Variants in CD247 observed in about 807,000 individuals in gnomAD.
CD247 encodes CD247 molecule, also known as T-cell surface glycoprotein CD3 zeta chain.
Under a neutral mutation model 30.0 loss-of-function variants are expected in CD247, and 13 were observed. That is an observed-to-expected ratio of 0.43 (90% confidence interval 0.28 to 0.69). The LOEUF is 0.69. Ranked by LOEUF, CD247 falls within the 30% of genes least tolerant of loss-of-function variation. The pLI, the probability that CD247 is intolerant of heterozygous loss-of-function variation, is 0.16. For synonymous variants in CD247, 72 were observed against 80.0 expected, an observed-to-expected ratio of 0.90 and a Z score of 0.53; for missense variants, 193 against 212.6, an observed-to-expected ratio of 0.91 and a Z score of 0.57.
intron 1 of CD247, among the ~76,000 whole-genome samples, chr1:167,486,502 C>T (rs969959737): frequency 8.5e-5 from 13 of 152,336 alleles, no homozygotes; most frequent in Admixed American, 4.6e-4. Context: ...GCAGAACTAG[C>T]ACTAAAGCCC....
intron 1 of CD247, among the ~76,000 whole-genome samples, chr1:167,465,568 T>C (rs1653210168): frequency 6.6e-6 from 1 of 152,112 alleles, no homozygotes; most frequent in Non-Finnish European, 1.5e-5. Context: ...TGACCTCAGG[T>C]GATCCATCTG....
intron 1 of CD247, among the ~76,000 whole-genome samples, chr1:167,454,724 A>G (rs1005476221): frequency 9.2e-5 from 14 of 152,244 alleles, no homozygotes; most frequent in African/African-American, 3.4e-4. Context: ...GAGTGAGATG[A>G]AAGCGCTTTT....
intron 1 of CD247, among the ~76,000 whole-genome samples, chr1:167,443,474 T>G (rs1651933773): frequency 6.6e-6 from 1 of 152,172 alleles, no homozygotes; most frequent in Non-Finnish European, 1.5e-5. Flanking sequence ...CTGGGGTGAC[T>G]TTTTGCTGTG....
chr1:167,481,774 G>A (rs931353723), intron 1 of CD247, among the ~76,000 whole-genome samples: 2 of 152,134 alleles, frequency 1.3e-5, no homozygotes, highest in Non-Finnish European at 2.9e-5. Flanking sequence ...GGGGTGGGGC[G>A]GTCACAGGAC....
chr1:167,512,000 A>C lies in CD247; in HGVS notation c.58+6408T>G, dbSNP rs116155622. ...TCAGAGAACGGCGGTCTGGACTGGC[A>C]AGGGTCCTGCTTGTCTTTGTTCTAA... is the stretch of plus-strand genomic sequence containing the variant. On this transcript the variant is annotated intron_variant, in intron 1 of 7. Transcript: ENST00000362089. 1.9e-3 allele frequency among the ~76,000 whole-genome samples: 288 copies of C among 152,278 alleles called. 3 individuals are homozygous for C. Among genetic ancestry groups the C allele is most frequent in the African/African-American group, 6.4e-3 (267 of 41,562 alleles).
intron 1 of CD247, among the ~76,000 whole-genome samples, chr1:167,445,269 C>A (rs1416484621): frequency 1.3e-5 from 2 of 151,990 alleles, no homozygotes; most frequent in African/African-American, 2.4e-5. Flanking sequence ...TAAAATAATT[C>A]TTATGGGGTG....
chr1:167,515,732 A>G (rs1196183391), intron 1 of CD247, among the ~76,000 whole-genome samples: 2 of 152,244 alleles, frequency 1.3e-5, no homozygotes, highest in African/African-American at 2.4e-5. Flanking sequence ...AAGAGGGATG[A>G]GTTGGATTGC....
At chr1:167,449,149 C>CTTTTTTTTTTTTTTTTTTTT (rs71097676) in intron 1 of CD247, among the ~76,000 whole-genome samples, 6 of 66,418 alleles carry the variant, frequency 9.0e-5, no homozygotes, top group Admixed American at 2.0e-4. Context: ...TTTTTCTTTT[C>CTTTTTTTTTTTTTTTTTTTT]TTTTTTTTTT....
At chr1:167,443,479 G>A (rs1366033990) in intron 1 of CD247, among the ~76,000 whole-genome samples, 1 of 152,220 alleles carries the variant, frequency 6.6e-6, no homozygotes, top group Non-Finnish European at 1.5e-5. Flanking sequence ...GTGACTTTTT[G>A]CTGTGAGGAC....
intron 1 of CD247, among the ~76,000 whole-genome samples, chr1:167,489,191 A>G (rs944562143): frequency 1.3e-5 from 2 of 151,922 alleles, no homozygotes; most frequent in African/African-American, 2.4e-5. Context: ...GAAGGATCCA[A>G]CCCCCCTTCC....
At chr1:167,474,170 C>T (rs1012811069) in intron 1 of CD247, among the ~76,000 whole-genome samples, 3 of 152,244 alleles carry the variant, frequency 2.0e-5, no homozygotes, top group East Asian at 3.9e-4. Flanking sequence ...ACTGAATAGT[C>T]TCACTGCCCT....
chr1:167,513,876 C>A (rs1359522808), intron 1 of CD247, among the ~76,000 whole-genome samples: 1 of 152,176 alleles, frequency 6.6e-6, no homozygotes, highest in Non-Finnish European at 1.5e-5. Flanking sequence ...AGGGTTTTAT[C>A]TTAAACCATC....
intron 4 of CD247, among the ~76,000 whole-genome samples, 179 bp from the exon 5 acceptor site, chr1:167,435,613 A>G (rs1344965353): frequency 6.6e-6 from 1 of 152,056 alleles, no homozygotes; most frequent in Non-Finnish European, 1.5e-5. Context: ...ATGGCACTAC[A>G]TGGCTCATAC....
chr1:167,466,762 G>A (rs980895073), intron 1 of CD247, among the ~76,000 whole-genome samples: 2 of 152,206 alleles, frequency 1.3e-5, no homozygotes, highest in East Asian at 1.9e-4. Flanking sequence ...AGCCCAACAG[G>A]CTGGAGCCCC....
At chr1:167,515,074 A>G (rs1314558080) in intron 1 of CD247, among the ~76,000 whole-genome samples, 1 of 152,240 alleles carries the variant, frequency 6.6e-6, no homozygotes, top group Non-Finnish European at 1.5e-5. Flanking sequence ...CTAGGCTAGT[A>G]AGCCTGAGAA....
At chr1:167,505,482 C>T (rs1655077410) in intron 1 of CD247, among the ~76,000 whole-genome samples, 1 of 152,222 alleles carries the variant, frequency 6.6e-6, no homozygotes, top group Non-Finnish European at 1.5e-5. Context: ...TGCCTGCCTG[C>T]TTCGTTTCTG....
At chr1:167,447,968 G>T (rs1367553318) in intron 1 of CD247, among the ~76,000 whole-genome samples, 2 of 76,242 alleles carry the variant, frequency 2.6e-5, no homozygotes, top group Non-Finnish European at 7.5e-5. Context: ...AGCTATGGGT[G>T]GGGGGGTGGG....
intron 1 of CD247, among the ~76,000 whole-genome samples, chr1:167,492,753 G>A (rs1360590969): frequency 6.6e-6 from 1 of 152,158 alleles, no homozygotes; most frequent in African/African-American, 2.4e-5. Flanking sequence ...GCCTACCAGG[G>A]TAGGTGTGTG....
intron 1 of CD247, among the ~76,000 whole-genome samples, chr1:167,511,200 G>T (rs565605647): frequency 6.6e-6 from 1 of 152,132 alleles, no homozygotes. Flanking sequence ...TGTGCGTGAC[G>T]GTGTGCTGTT....
Sources: allele counts gnomAD v4.1 joint callset (sites outside exome capture counted in the v4.1 genomes callset), GRCh38; gene constraint gnomAD v4.1.1; transcripts MANE v1.5; gene names NCBI Gene and HGNC (gene_info 2026-07-23, HGNC 2026-07-21).